The following LAMA4 variants were observed in gnomAD, a reference collection of about 807,000 sequenced individuals.
The protein encoded by LAMA4 is laminin subunit alpha 4.
LAMA4 carries 127 observed loss-of-function variants against 207.1 expected under a neutral mutation model. The observed-to-expected ratio is 0.61, with a 90% CI of 0.53 to 0.71. The LOEUF is 0.71. LAMA4 is among the 30% of genes least tolerant of loss of function. The pLI is 0.00. For synonymous variants in LAMA4, 761 were observed against 816.0 expected, an observed-to-expected ratio of 0.93 and a Z score of 1.15; for missense variants, 2,093 against 2,246.5, an observed-to-expected ratio of 0.93 and a Z score of 1.38.
At chr6:112,239,973 G>A (rs189555221) in intron 2 of LAMA4, among the ~76,000 whole-genome samples, 21 of 152,132 alleles carry the variant, frequency 1.4e-4, no homozygotes, top group Admixed American at 3.3e-4. Context: ...GGAGGATGGC[G>A]TGAACCCGGG....
chr6:112,154,969 A>G (rs1554336555), intron 15 of LAMA4, 22 bp from the exon 16 acceptor site: 6 of 1,511,778 alleles, frequency 4.0e-6, no homozygotes, highest in Non-Finnish European at 5.5e-6. Context: ...TTGAGAGAAG[A>G]GGGTAAAAAT....
chr6:112,187,194 G>T, intron 8 of LAMA4: 1 of 567,778 alleles, frequency 1.8e-6, no homozygotes, highest in Non-Finnish European at 3.2e-6. Flanking sequence ...ATAGATACTA[G>T]TCTTTTAGTC....
chr6:112,133,316 C>T (rs2114659507), intron 27 of LAMA4, 33 bp downstream of exon 27: 1 of 1,610,448 alleles, frequency 6.2e-7, no homozygotes, highest in Non-Finnish European at 8.5e-7. Context: ...AGTATTGTGT[C>T]TATTAAAAAG....
intron 33 of LAMA4, 143 bp from the exon 34 acceptor site, chr6:112,119,454 G>T: frequency 1.1e-6 from 1 of 880,668 alleles, no homozygotes; most frequent in Non-Finnish European, 1.8e-6. Context: ...CCCCATCTCT[G>T]AAGGTCAGGA....
chr6:112,207,254 A>G, intron 3 of LAMA4, 109 bp from the exon 4 acceptor site: 1 of 1,179,854 alleles, frequency 8.5e-7, no homozygotes, highest in Non-Finnish European at 1.2e-6. Context: ...ATCAGATCAG[A>G]CAGCACAGAC....
intron 9 of LAMA4, chr6:112,179,955 C>A (rs1306401018): frequency 1.9e-6 from 1 of 531,596 alleles, no homozygotes; most frequent in Admixed American, 1.9e-5. Flanking sequence ...CAGTGCTTTC[C>A]AGAAAAACAG....
At chr6:112,178,064 G>T (rs1279275297) in intron 10 of LAMA4, 57 bp downstream of exon 10, 2 of 1,226,180 alleles carry the variant, frequency 1.6e-6, no homozygotes, top group African/African-American at 1.5e-5. Flanking sequence ...GCCTACTGAT[G>T]TTAATAACAT....
upstream of LAMA4, chr6:112,254,774 A>C (rs781811145): frequency 6.5e-6 from 1 of 153,888 alleles, no homozygotes; most frequent in African/African-American, 2.4e-5. Context: ...CGGATGTCTT[A>C]TCTATATTTA....
At chr6:112,129,190 G>GCA (rs1778881692) in intron 30 of LAMA4, 115 bp from the exon 31 acceptor site, 20 of 630,550 alleles carry the variant, frequency 3.2e-5, no homozygotes, top group Non-Finnish European at 5.1e-5. Context: ...GTGTGTGCAT[G>GCA]TGTGTGTGTG....
chr6:112,116,960 T>C (rs1437440790), intron 35 of LAMA4, among the ~76,000 whole-genome samples: 1 of 152,202 alleles, frequency 6.6e-6, no homozygotes, highest in Non-Finnish European at 1.5e-5. Context: ...CTGGGTGTTC[T>C]GCTGGATATG....
intron 14 of LAMA4, among the ~76,000 whole-genome samples, chr6:112,157,123 G>A (rs1448720197): frequency 6.6e-6 from 1 of 152,028 alleles, no homozygotes; most frequent in Non-Finnish European, 1.5e-5. Context: ...CTCACTACCT[G>A]TTCCTCCCCA....
chr6:112,217,706 G>T (rs1784708240), intron 2 of LAMA4: 2 of 151,994 alleles, frequency 1.3e-5, no homozygotes, highest in African/African-American at 4.8e-5. Flanking sequence ...AACAACATTT[G>T]TCTATGAAAA....
Position 112,139,675 on chromosome 6 carries a change from A to C in LAMA4, c.3110+77T>G, listed in dbSNP as rs145220551. 246 of 1,552,886 alleles carry C rather than the reference A, an allele frequency of 1.6e-4. 1 individual carries two copies. The African/African-American group carries it at 3.1e-3, about 20-fold the overall frequency. ...CCCCAAAGAAAAGTTTGAGAACCTG[A>C]ATATTGACTCATACTTGTTCTATCT... On this transcript the variant is annotated intron_variant, in intron 23 of 38. Transcript: ENST00000230538.
At chr6:112,233,815 A>G (rs1000176610) in intron 2 of LAMA4, among the ~76,000 whole-genome samples, 1 of 152,218 alleles carries the variant, frequency 6.6e-6, no homozygotes, top group African/African-American at 2.4e-5. Context: ...CAATAAAAAC[A>G]CCAATGAATT....
chr6:112,173,288 A>G (rs1554342577), intron 11 of LAMA4, among the ~76,000 whole-genome samples: 1 of 152,210 alleles, frequency 6.6e-6, no homozygotes, highest in Non-Finnish European at 1.5e-5. Flanking sequence ...ATTTTGGTGG[A>G]AAAAAGATTA....
intron 9 of LAMA4, among the ~76,000 whole-genome samples, chr6:112,181,381 C>T (rs1014585264): frequency 2.6e-5 from 4 of 152,160 alleles, no homozygotes; most frequent in South Asian, 2.1e-4. Context: ...CCCATGTTCA[C>T]GAGCGTGTTT....
At chr6:112,121,963 T>C (rs1342631005) in intron 32 of LAMA4, 51 bp downstream of exon 32, 1 of 1,519,792 alleles carries the variant, frequency 6.6e-7, no homozygotes, top group Non-Finnish European at 9.1e-7. Context: ...CAAACAAAGA[T>C]GGAGCCCAGC....
chr6:112,139,531 C>A (rs1238295353), intron 23 of LAMA4, among the ~76,000 whole-genome samples: 1 of 152,204 alleles, frequency 6.6e-6, no homozygotes, highest in East Asian at 1.9e-4. Flanking sequence ...TCTCTGGAAT[C>A]CTTAATCAAG....
chr6:112,166,996 A>G (rs1407899814), intron 12 of LAMA4, among the ~76,000 whole-genome samples: 1 of 152,300 alleles, frequency 6.6e-6, no homozygotes, highest in Non-Finnish European at 1.5e-5. Flanking sequence ...TTGAAGGAGT[A>G]TTTTACTTAC....
Sources: allele counts gnomAD v4.1 joint callset (sites outside exome capture counted in the v4.1 genomes callset), GRCh38; gene constraint gnomAD v4.1.1; transcripts MANE v1.5; gene names NCBI Gene and HGNC (gene_info 2026-07-23, HGNC 2026-07-21).